Variants in OSBPL3 observed in about 807,000 individuals in gnomAD.
OSBPL3 encodes oxysterol-binding protein-related protein 3.
A neutral mutation model predicts 120.1 loss-of-function variants in OSBPL3; 65 were observed. The ratio of observed to expected loss-of-function variants is 0.54; its 90% confidence interval spans 0.44 to 0.67. OSBPL3 has a LOEUF of 0.67. Among genes scored for constraint, OSBPL3 ranks in the 30% least tolerant of loss-of-function variants. The probability of loss-of-function intolerance (pLI) is 0.00; values close to 1 mark genes in which losing one functional copy is unlikely to be tolerated. For synonymous variants in OSBPL3, 416 were observed against 402.6 expected (o/e 1.03, Z -0.40); for missense variants, 1,004 against 1,082.1 (o/e 0.93, Z 1.01).
At chr7:24,887,217 A>G (rs1328171932) in intron 2 of OSBPL3, among the ~76,000 whole-genome samples, 3 of 152,216 alleles carry the variant, frequency 2.0e-5, no homozygotes, top group African/African-American at 7.2e-5. Flanking sequence ...TTAGAACTCT[A>G]GAATAATAGG....
At position 24,871,746 on chromosome 7, in the gene OSBPL3, G is replaced by A. The variant is rs1562862548; in HGVS notation, c.263C>T (p.Thr88Ile). The A allele has an allele frequency of 6.2e-7, 1 of 1,612,100 alleles. No individual in the cohort carries two copies. Among genetic ancestry groups the A allele is most frequent in the Non-Finnish European group, 8.5e-7 (1 of 1,178,228 alleles). The change falls in exon 4 of 23, where the codon ACC (threonine) becomes ATC (isoleucine). Residue 88 changes from threonine to isoleucine, a missense_variant. Coordinates refer to ENST00000313367, the MANE Select transcript of OSBPL3 (RefSeq NM_015550.4). This position sits in a 1 kb window ranked among gnomAD's most constrained non-coding sequence, Gnocchi z 4.8. ...KGILKYAKSQ[T>I]DIEREKLHGC... The stretch of plus-strand genomic sequence containing the variant: ...TGGGCCCACAAAAAGACTTACATCG[G>A]TTTGGCTCTTGGCATATTTCAAGAT...
intron 14 of OSBPL3, among the ~76,000 whole-genome samples, chr7:24,839,682 C>A (rs1047572430): frequency 6.6e-6 from 1 of 152,066 alleles, no homozygotes; most frequent in African/African-American, 2.4e-5. Flanking sequence ...TGAGAGAGAA[C>A]ATTAGAGTGC....
chr7:24,974,397 C>T (rs1040022079), intron 1 of OSBPL3, among the ~76,000 whole-genome samples: 8 of 152,172 alleles, frequency 5.3e-5, no homozygotes, highest in Non-Finnish European at 5.9e-5. Context: ...CTCTTTTTAA[C>T]GACAACACAT....
intron 12 of OSBPL3, among the ~76,000 whole-genome samples, chr7:24,847,204 C>T (rs546576984): frequency 2.0e-5 from 3 of 152,188 alleles, no homozygotes; most frequent in South Asian, 4.1e-4. Context: ...CCGGGAGTTA[C>T]CGAAAAAAAA....
At chr7:24,910,843 G>T (rs1423395127) in intron 1 of OSBPL3, among the ~76,000 whole-genome samples, 1 of 152,222 alleles carries the variant, frequency 6.6e-6, no homozygotes, top group Non-Finnish European at 1.5e-5. Flanking sequence ...ACAAAGCTGT[G>T]AGCTGGGTCG....
chr7:24,980,850 T>A (rs1252060224), upstream of OSBPL3, among the ~76,000 whole-genome samples: 3 of 152,158 alleles, frequency 2.0e-5, no homozygotes, highest in African/African-American at 7.2e-5. Flanking sequence ...GAGAGCACCG[T>A]CGTTACTATT....
intron 4 of OSBPL3, 55 bp from the exon 5 acceptor site, chr7:24,870,900 A>T (rs940740693): frequency 1.9e-6 from 2 of 1,045,120 alleles, no homozygotes; most frequent in African/African-American, 3.1e-5. Context: ...AGCAGTAGTC[A>T]CATCCCTGAC....
Position 24,870,809 on chromosome 7 carries a change from C to T in OSBPL3, c.304G>A (p.Gly102Arg), listed in dbSNP as rs751814233. The T allele has an allele frequency of 5.6e-6, 9 of 1,613,604 alleles. No individual in the cohort carries two copies. Among genetic ancestry groups the T allele is most frequent in the East Asian group, 4.5e-5 (2 of 44,890 alleles). ...REKLHGCIDVGLSVMSVKKSS... is the reference protein window; with the variant it reads ...REKLHGCIDVRLSVMSVKKSS... ...TTCTTTACAGACATCACTGAGAGCC[C>T]GACATCAATGCAGCCATGCAGCTTC... is the stretch of plus-strand genomic sequence containing the variant. Residue 102 changes from glycine to arginine, a missense_variant, in exon 5 of 23, where the codon GGG becomes AGG. Physicochemically the swap from Gly to Arg is moderately radical, Grantham distance 125. This residue lies in a region of OSBPL3 where 255 missense variants were observed against 248.7 expected (regional missense o/e 1.03). Transcript: ENST00000313367.
At chr7:24,906,356 TGC>T in intron 1 of OSBPL3, 1 of 240,328 alleles carries the variant, frequency 4.2e-6, no homozygotes, top group South Asian at 4.8e-5. Flanking sequence ...CCGGGAGACT[TGC>T]GAGGAGGTGG....
chr7:24,921,176 C>A (rs750010305), intron 1 of OSBPL3, among the ~76,000 whole-genome samples: 3 of 149,200 alleles, frequency 2.0e-5, no homozygotes, highest in Non-Finnish European at 4.4e-5. Flanking sequence ...GCTTGCTTTA[C>A]ATTTAGCAGT....
rs1806089850 is a variant in OSBPL3, at chr7:24,896,067, G to A, written c.-149-3446C>T. 6.6e-6 allele frequency among the ~76,000 whole-genome samples: 1 copy of A among 152,204 alleles called. No individual in the cohort carries two copies. The highest frequency in any genetic ancestry group is 1.5e-5 in the Non-Finnish European group (1 of 68,040). ...GTACTTGTCAACATGCCTTAAGGAT[G>A]GAGAGCTAGGACTTGCCCCAGCTTA... is the stretch of plus-strand genomic sequence containing the variant. On this transcript the variant is annotated intron_variant, in intron 1 of 22. Coordinates refer to ENST00000313367, the MANE Select transcript of OSBPL3 (RefSeq NM_015550.4). The surrounding 1 kb of genome is among the most constrained non-coding windows in gnomAD (Gnocchi z 4.4).
At chr7:24,889,560 A>G (rs922667717) in intron 2 of OSBPL3, among the ~76,000 whole-genome samples, 1 of 152,218 alleles carries the variant, frequency 6.6e-6, no homozygotes, top group Non-Finnish European at 1.5e-5. Context: ...CACCATAAAT[A>G]TATACAACTT....
intron 1 of OSBPL3, among the ~76,000 whole-genome samples, chr7:24,925,141 T>G (rs990034920): frequency 1.3e-5 from 2 of 152,060 alleles, no homozygotes; most frequent in Non-Finnish European, 2.9e-5. Context: ...TAGCACAGAG[T>G]TGGATTTAAA....
chr7:24,812,730 T>C (rs1793988295), intron 19 of OSBPL3, among the ~76,000 whole-genome samples: 1 of 152,198 alleles, frequency 6.6e-6, no homozygotes, highest in African/African-American at 2.4e-5. Flanking sequence ...TTCTGGTAGT[T>C]CAGCTTCCGC....
At chr7:24,845,384 TAAAAAAAAAAAAAAAAAA>T (rs34559902) in intron 12 of OSBPL3, among the ~76,000 whole-genome samples, 7 of 62,258 alleles carry the variant, frequency 1.1e-4, no homozygotes, top group South Asian at 8.5e-4. Flanking sequence ...GCAAAATAAG[TAAAAAAAAAAAAAAAAAA>T]AAAAAAAAAA....
At chr7:24,907,475 C>T (rs966014980) in intron 1 of OSBPL3, among the ~76,000 whole-genome samples, 3 of 152,238 alleles carry the variant, frequency 2.0e-5, no homozygotes, top group African/African-American at 7.2e-5. Flanking sequence ...ATGTAAAACA[C>T]TCAGCATAGT....
Position 24,821,586 on chromosome 7 carries a change from C to CAGATGTG in OSBPL3, c.1885-1355_1885-1349dup, listed in dbSNP as rs1233583446. 2.0e-5 allele frequency among the ~76,000 whole-genome samples: 3 copies of CAGATGTG among 152,166 alleles called. No individual in the cohort carries two copies. Among genetic ancestry groups the CAGATGTG allele is most frequent in the Non-Finnish European group, 4.4e-5 (3 of 68,036 alleles). On this transcript the variant is annotated intron_variant, in intron 16 of 22. Transcript: ENST00000313367. The surrounding 1 kb of genome is among the most constrained non-coding windows in gnomAD (Gnocchi z 5.5). Reference sequence around the variant, plus strand: ...AGGATGTGGTCACACACGCCACACCCAGATGTGACTCATGGGATTACAGCC... The same window carrying CAGATGTG: ...AGGATGTGGTCACACACGCCACACCCAGATGTGAGATGTGACTCATGGGATTACAGCC...
chr7:24,823,947 T>C (rs1295395870), intron 16 of OSBPL3, among the ~76,000 whole-genome samples: 1 of 152,256 alleles, frequency 6.6e-6, no homozygotes, highest in Admixed American at 6.5e-5. Context: ...GTTGAGTCTG[T>C]ATTCTCCTTA....
intron 1 of OSBPL3, among the ~76,000 whole-genome samples, chr7:24,901,774 G>A (rs1016766858): frequency 1.3e-5 from 2 of 152,182 alleles, no homozygotes; most frequent in Non-Finnish European, 1.5e-5. Context: ...ACCATTAAAT[G>A]ATCCAAAAAG....
Sources: gnomAD v4.1 joint callset for allele counts (sites outside exome capture counted in the v4.1 genomes callset) on GRCh38, gnomAD v4.1.1 for gene constraint, gnomAD v4.1.1 regional missense constraint, Gnocchi (gnomAD v3.1) non-coding constraint, MANE v1.5 for transcripts, NCBI Gene and HGNC (gene_info 2026-07-23, HGNC 2026-07-21) for gene names.